SKAP1: variants seen among roughly 807,000 people sequenced by gnomAD.
SKAP1 encodes the protein src kinase-associated phosphoprotein 1.
A neutral mutation model predicts 58.5 loss-of-function variants in SKAP1; 44 were observed. That is an observed-to-expected ratio of 0.75 (90% CI 0.59 to 0.97). SKAP1 has a LOEUF of 0.97. Ranked by LOEUF, SKAP1 falls within the 50% of genes least tolerant of loss-of-function variation. SKAP1 has a pLI of 0.00. For missense variants in SKAP1, 390 were observed against 435.2 expected (o/e 0.90, Z 0.92); for synonymous variants, 127 against 149.7 (o/e 0.85, Z 1.11).
chr17:48,361,931 C>T (rs1459686298), intron 3 of SKAP1, among the ~76,000 whole-genome samples: 2 of 152,170 alleles, frequency 1.3e-5, no homozygotes, highest in Non-Finnish European at 2.9e-5. Context: ...CAGCTAAGGT[C>T]TGATCAAAAG....
chr17:48,441,277 T>A, the SKAP1 span, among the ~76,000 whole-genome samples: 1 of 152,160 alleles, frequency 6.6e-6, no homozygotes, highest in Non-Finnish European at 1.5e-5. Context: ...GAAGGAACTT[T>A]AGAAACCCTT....
At chr17:48,413,369 C>T (rs978116278) in intron 1 of SKAP1, among the ~76,000 whole-genome samples, 1 of 150,856 alleles carries the variant, frequency 6.6e-6, no homozygotes, top group East Asian at 1.9e-4. Context: ...ACAAAATTAG[C>T]CAGGCATGGT....
At chr17:48,440,871 G>C in the SKAP1 span, among the ~76,000 whole-genome samples, 59 of 152,292 alleles carry the variant, frequency 3.9e-4, no homozygotes, top group African/African-American at 1.4e-3. Context: ...GTAGACTAGA[G>C]TTTTGCACTA....
intron 2 of SKAP1, among the ~76,000 whole-genome samples, chr17:48,372,116 C>T (rs971029266): frequency 5.3e-5 from 8 of 151,898 alleles, no homozygotes; most frequent in African/African-American, 1.5e-4. Context: ...GGATTACAAA[C>T]GTGTGCCACC....
chr17:48,222,823 T>G (rs1309026428), intron 4 of SKAP1, among the ~76,000 whole-genome samples: 1 of 150,752 alleles, frequency 6.6e-6, no homozygotes, highest in African/African-American at 2.4e-5. Context: ...GCCAGCACTT[T>G]GGGAGGCTGA....
intron 4 of SKAP1, among the ~76,000 whole-genome samples, chr17:48,191,996 G>A (rs1378122838): frequency 6.6e-6 from 1 of 152,112 alleles, no homozygotes; most frequent in African/African-American, 2.4e-5. Context: ...CAGAAGAGAA[G>A]GCTCTCTGAA....
intron 12 of SKAP1, 26 bp downstream of exon 12, chr17:48,137,203 C>A: frequency 7.1e-7 from 1 of 1,417,390 alleles, no homozygotes. Context: ...AACTATTAGG[C>A]AGTTCATTGG....
chr17:48,139,100 C>T (rs968819539), intron 11 of SKAP1, among the ~76,000 whole-genome samples: 2 of 148,532 alleles, frequency 1.3e-5, no homozygotes, highest in African/African-American at 2.5e-5. Flanking sequence ...AGGGTGGTCT[C>T]GAATTCCCGA....
At position 48,190,940 on chromosome 17, in the gene SKAP1, G is replaced by A. The variant is rs190369292; in HGVS notation, c.281-1440C>T. 2.3e-3 allele frequency among the ~76,000 whole-genome samples: 352 copies of A among 152,314 alleles called. 2 individuals are homozygous for A. The highest frequency in any genetic ancestry group is 4.2e-3 in the Non-Finnish European group (287 of 68,020). On this transcript the variant is annotated intron_variant, in intron 4 of 12. Coordinates refer to ENST00000336915, the MANE Select transcript of SKAP1 (RefSeq NM_003726.4). ...GCGGAGGTTGCAGTGAGCCGAGATC[G>A]TGCCATTTCACTCCAGCATGGGCGA...
chr17:48,384,272 C>T (rs2144492125), intron 2 of SKAP1, among the ~76,000 whole-genome samples: 1 of 152,180 alleles, frequency 6.6e-6, no homozygotes, highest in East Asian at 1.9e-4. Flanking sequence ...AGGAATGACT[C>T]CCAGGATTTT....
intron 12 of SKAP1, chr17:48,136,652 G>C (rs1283302006): frequency 1.3e-5 from 2 of 149,160 alleles, no homozygotes; most frequent in African/African-American, 5.0e-5. Context: ...TTTTGCAGAA[G>C]AGAAAAATAC....
intron 4 of SKAP1, among the ~76,000 whole-genome samples, chr17:48,275,738 A>ATTG (rs1353477306): frequency 2.0e-5 from 3 of 152,170 alleles, no homozygotes; most frequent in Admixed American, 2.0e-4. Flanking sequence ...AATCCCAACT[A>ATTG]TTGTTGTTGT....
chr17:48,442,918 A>G, the SKAP1 span, among the ~76,000 whole-genome samples: 1 of 152,172 alleles, frequency 6.6e-6, no homozygotes, highest in Admixed American at 6.5e-5. Flanking sequence ...AATGGCTAAC[A>G]AGCGTCTACC....
At chr17:48,263,143 T>C (rs1269106815) in intron 4 of SKAP1, among the ~76,000 whole-genome samples, 8 of 152,182 alleles carry the variant, frequency 5.3e-5, no homozygotes, top group Non-Finnish European at 4.4e-5. Context: ...ATACTGACTT[T>C]TAGGTTGATT....
At chr17:48,218,922 A>G (rs925099053) in intron 4 of SKAP1, among the ~76,000 whole-genome samples, 1 of 152,236 alleles carries the variant, frequency 6.6e-6, no homozygotes, top group African/African-American at 2.4e-5. Flanking sequence ...ATGTGAAATC[A>G]GAACATGAAG....
At chr17:48,395,054 C>A (rs575038375) in intron 2 of SKAP1, among the ~76,000 whole-genome samples, 2 of 152,150 alleles carry the variant, frequency 1.3e-5, no homozygotes, top group Non-Finnish European at 2.9e-5. Flanking sequence ...TGAATGTCTA[C>A]CCCACAAACC....
chr17:48,415,906 T>C (rs965614619), intron 1 of SKAP1, among the ~76,000 whole-genome samples: 2 of 151,940 alleles, frequency 1.3e-5, no homozygotes, highest in Non-Finnish European at 2.9e-5. Context: ...AGGAAGCAAG[T>C]AGAAGGGGGA....
At chr17:48,386,567 T>C (rs2067279045) in intron 2 of SKAP1, among the ~76,000 whole-genome samples, 1 of 152,236 alleles carries the variant, frequency 6.6e-6, no homozygotes, top group African/African-American at 2.4e-5. Flanking sequence ...TGCTGTTCCA[T>C]GTTGATACTT....
intron 1 of SKAP1, among the ~76,000 whole-genome samples, chr17:48,405,451 TTTCTTTC>T (rs1286377458): frequency 8.8e-5 from 3 of 34,034 alleles, no homozygotes; most frequent in Non-Finnish European, 1.3e-4. Flanking sequence ...CTTTCTTTCT[TTTCTTTC>T]TTTCTTTCCT....
Sources: allele counts gnomAD v4.1 joint callset (sites outside exome capture counted in the v4.1 genomes callset), GRCh38; gene constraint gnomAD v4.1.1; transcripts MANE v1.5; gene names NCBI Gene and HGNC (gene_info 2026-07-23, HGNC 2026-07-21).